The following EFL1 variants were observed in gnomAD, a reference collection of about 807,000 sequenced individuals.
EFL1 encodes elongation factor like GTPase 1, also known as elongation factor-like GTPase 1.
Under a neutral mutation model 126.7 loss-of-function variants are expected in EFL1, and 76 were observed. That is an observed-to-expected ratio of 0.60 (90% CI 0.50 to 0.73). EFL1 has a LOEUF of 0.73. EFL1 is among the 30% of genes least tolerant of loss of function. The pLI, the probability that EFL1 is intolerant of heterozygous loss-of-function variation, is 0.00. For synonymous variants in EFL1, 410 were observed against 448.4 expected (o/e 0.91, Z 1.08); for missense variants, 1,128 against 1,343.2 (o/e 0.84, Z 2.50).
chr15:82,157,572 T>C, intron 17 of EFL1, 141 bp downstream of exon 17: 1 of 982,622 alleles, frequency 1.0e-6, no homozygotes, highest in Non-Finnish European at 1.4e-6. Flanking sequence ...TACAATCGAA[T>C]AACTGTTCAT....
At position 82,228,297 on chromosome 15, in the gene EFL1, A is replaced by G; in HGVS notation, c.963T>C (p.Thr321=). The G allele has an allele frequency of 6.2e-7, 1 of 1,614,014 alleles. No homozygotes were observed. Among genetic ancestry groups the G allele is most frequent in the Non-Finnish European group, 8.5e-7 (1 of 1,179,954 alleles). Residue 321 remains threonine (T), a synonymous_variant, in exon 10 of 20, where the codon ACT becomes ACC. Coordinates refer to ENST00000268206, the MANE Select transcript of EFL1 (RefSeq NM_024580.6). ...KDKDKIDKIV[T]SLGLKIGARE... is the part of the protein sequence containing the mutation. ...GGGCTCCAATTTTTAATCCTAAAGA[A>G]GTCACTATTTTATCAATTTTGTCTT...
intron 18 of EFL1, among the ~76,000 whole-genome samples, chr15:82,147,575 A>G (rs2073861169): frequency 6.6e-6 from 1 of 151,034 alleles, no homozygotes; most frequent in Non-Finnish European, 1.5e-5. Context: ...CTGGGAGAAG[A>G]AGGCTGCAGT....
At chr15:82,140,175 C>T (rs373830437) in intron 18 of EFL1, among the ~76,000 whole-genome samples, 1 of 152,318 alleles carries the variant, frequency 6.6e-6, no homozygotes, top group South Asian at 2.1e-4. Context: ...CAGCTAGCTA[C>T]TACATTCTCT....
chr15:82,196,661 C>T (rs2074410557), intron 15 of EFL1, among the ~76,000 whole-genome samples: 1 of 152,224 alleles, frequency 6.6e-6, no homozygotes. Flanking sequence ...AAAACTGACT[C>T]AGTGAACACC....
chr15:82,184,804 G>T (rs948437350), intron 15 of EFL1, among the ~76,000 whole-genome samples: 2 of 152,186 alleles, frequency 1.3e-5, no homozygotes, highest in Admixed American at 6.5e-5. Context: ...ACAGATAAGG[G>T]ATTATTGGAT....
At position 82,164,113 on chromosome 15, in the gene EFL1, A is replaced by C; in HGVS notation, c.1751-129T>G. On this transcript the variant is annotated intron_variant, in intron 15 of 19. Transcript: ENST00000268206. ...TGCTTCCAAAATGTTGCAAGAAATG[A>C]GGCGGACCTGCACTGTTTTTTTTTT... The C allele has an allele frequency of 3.4e-6, 4 of 1,166,512 alleles. No homozygotes were observed. In the South Asian group the frequency reaches 7.0e-5, roughly 20 times the overall value. 72.3% of individuals were successfully genotyped at this position (1,166,512 alleles called of 1,614,324 possible).
chr15:82,200,424 G>C, intron 15 of EFL1, among the ~76,000 whole-genome samples: 1 of 152,210 alleles, frequency 6.6e-6, no homozygotes. Flanking sequence ...TAGCTCAGGA[G>C]ACTGGAAACC....
At chr15:82,138,425 A>AGAGAGTGTGTGT (rs751682963) in intron 19 of EFL1, among the ~76,000 whole-genome samples, 4 of 46,180 alleles carry the variant, frequency 8.7e-5, no homozygotes, top group Non-Finnish European at 1.5e-4. Context: ...AGAGAGAGAG[A>AGAGAGTGTGTGT]GTGTATGTGT....
At chr15:82,180,350 T>C (rs1157422895) in intron 15 of EFL1, among the ~76,000 whole-genome samples, 1 of 116,028 alleles carries the variant, frequency 8.6e-6, no homozygotes, top group Non-Finnish European at 1.7e-5. Flanking sequence ...GTAACTGCGA[T>C]TAAACTGGCA....
At chr15:82,230,049 T>A (rs555294805) in intron 8 of EFL1, among the ~76,000 whole-genome samples, 2 of 152,306 alleles carry the variant, frequency 1.3e-5, no homozygotes, top group Non-Finnish European at 2.9e-5. Context: ...TTAAAATATA[T>A]TGTTTATAAA....
chr15:82,169,380 T>C (rs1218894804), intron 15 of EFL1, among the ~76,000 whole-genome samples: 1 of 152,004 alleles, frequency 6.6e-6, no homozygotes, highest in African/African-American at 2.4e-5. Context: ...CTTATGATCC[T>C]TTCTTGGAGC....
intron 15 of EFL1, among the ~76,000 whole-genome samples, chr15:82,198,071 G>A (rs1008353167): frequency 6.6e-6 from 1 of 152,180 alleles, no homozygotes; most frequent in Non-Finnish European, 1.5e-5. Flanking sequence ...AACAGTTACA[G>A]GCTACACGTT....
chr15:82,258,943 A>G (rs1411954065), intron 3 of EFL1, 145 bp downstream of exon 3: 6 of 716,016 alleles, frequency 8.4e-6, no homozygotes, highest in East Asian at 2.6e-5. Context: ...CAGCATTTTT[A>G]TCTTGCAAAA....
At chr15:82,193,383 A>G (rs796122625) in intron 15 of EFL1, among the ~76,000 whole-genome samples, 22 of 152,342 alleles carry the variant, frequency 1.4e-4, no homozygotes, top group African/African-American at 4.8e-4. Context: ...ATTCATGCAC[A>G]TCCTTCCTTA....
chr15:82,253,368 T>C (rs2075041019), intron 3 of EFL1, among the ~76,000 whole-genome samples: 1 of 150,464 alleles, frequency 6.6e-6, no homozygotes, highest in Admixed American at 6.6e-5. Flanking sequence ...TTTAAGATGA[T>C]GGGGGTCTGG....
intron 15 of EFL1, among the ~76,000 whole-genome samples, chr15:82,184,259 G>A (rs1467708032): frequency 6.6e-6 from 1 of 152,154 alleles, no homozygotes; most frequent in East Asian, 1.9e-4. Context: ...AATAGTCCTG[G>A]TACCCACAGG....
chr15:82,228,958 T>C (rs2074792592), intron 9 of EFL1, 76 bp downstream of exon 9: 3 of 1,209,660 alleles, frequency 2.5e-6, no homozygotes, highest in Non-Finnish European at 3.5e-6. Flanking sequence ...CTTTCTGAAA[T>C]ATGACTCATC....
intron 12 of EFL1, among the ~76,000 whole-genome samples, chr15:82,223,079 G>A (rs537469077): frequency 1.3e-5 from 2 of 152,188 alleles, no homozygotes; most frequent in East Asian, 3.9e-4. Context: ...CTTTGTGGGC[G>A]CCGAATCCTG....
intron 15 of EFL1, among the ~76,000 whole-genome samples, chr15:82,199,491 T>G (rs1466980765): frequency 1.3e-5 from 2 of 152,232 alleles, no homozygotes; most frequent in African/African-American, 4.8e-5. Flanking sequence ...TAAGACCTTG[T>G]ATGAAAATGG....
Sources: gnomAD v4.1 joint callset for allele counts (sites outside exome capture counted in the v4.1 genomes callset) on GRCh38, gnomAD v4.1.1 for gene constraint, MANE v1.5 for transcripts, NCBI Gene and HGNC (gene_info 2026-07-23, HGNC 2026-07-21) for gene names.